Variants in EXOC6B observed in about 807,000 individuals in gnomAD.
EXOC6B encodes the protein exocyst complex component 6B.
EXOC6B carries 54 observed loss-of-function variants against 113.5 expected under a neutral mutation model. The ratio of observed to expected loss-of-function variants is 0.48; its 90% confidence interval spans 0.38 to 0.60. The LOEUF (loss-of-function observed/expected upper bound fraction) is 0.60. Among genes scored for constraint, EXOC6B ranks in the 20% least tolerant of loss-of-function variants. EXOC6B has a pLI of 0.00. For synonymous variants in EXOC6B, 357 were observed against 339.0 expected (o/e 1.05, Z -0.58); for missense variants, 797 against 977.5 (o/e 0.82, Z 2.46).
chr2:72,780,107 T>C (rs4519555), intron 1 of EXOC6B, among the ~76,000 whole-genome samples: 151,232 of 152,330 alleles, frequency 0.99, 75,075 homozygotes, highest in East Asian at 1. Flanking sequence ...GTCCCAACCA[T>C]TACATGTATT....
At chr2:72,551,666 G>A (rs1239688749) in intron 8 of EXOC6B, among the ~76,000 whole-genome samples, 1 of 150,584 alleles carries the variant, frequency 6.6e-6, no homozygotes, top group Non-Finnish European at 1.5e-5. Flanking sequence ...CACCACGCCC[G>A]GCTAATTTTT....
At chr2:72,608,802 TAAA>T (rs986176580) in intron 6 of EXOC6B, among the ~76,000 whole-genome samples, 1 of 151,302 alleles carries the variant, frequency 6.6e-6, no homozygotes, top group Non-Finnish European at 1.5e-5. Context: ...TGGGGAAAAA[TAAA>T]GAACAAAGTA....
chr2:72,692,354 C>CT lies in EXOC6B; in HGVS notation c.669+25748dup, dbSNP rs764598639. 4.7e-3 allele frequency among the ~76,000 whole-genome samples: 662 copies of CT among 141,196 alleles called. 1 individual carries two copies. The highest frequency in any genetic ancestry group is 9.9e-3 in the African/African-American group (383 of 38,866). The allele number at this position is 141,196 out of a possible 152,430, so 92.6% of individuals were successfully genotyped here. A position where few individuals can be genotyped will look rare whatever the true frequency, so the allele number is the denominator to read the frequency against. On this transcript the variant is annotated intron_variant, in intron 6 of 21. Transcript: ENST00000272427. ...TTTCCTCTTCCTTTTTCACCATATT[C>CT]TTTTTTTTTTTTTTTGAGACAGAGT...
At chr2:72,551,661 C>T (rs765189513) in intron 8 of EXOC6B, among the ~76,000 whole-genome samples, 1 of 151,762 alleles carries the variant, frequency 6.6e-6, no homozygotes, top group Non-Finnish European at 1.5e-5. Context: ...CCCGCCACCA[C>T]GCCCGGCTAA....
intron 20 of EXOC6B, among the ~76,000 whole-genome samples, chr2:72,317,466 T>A (rs1026406842): frequency 6.6e-6 from 1 of 151,894 alleles, no homozygotes; most frequent in Non-Finnish European, 1.5e-5. Flanking sequence ...AACCACCTTG[T>A]CCCATTTAAT....
At chr2:72,530,685 A>G (rs1318464918) in intron 8 of EXOC6B, among the ~76,000 whole-genome samples, 2 of 152,190 alleles carry the variant, frequency 1.3e-5, no homozygotes, top group Non-Finnish European at 2.9e-5. Context: ...GTCTTCAACT[A>G]TAACAGTGAT....
intron 1 of EXOC6B, among the ~76,000 whole-genome samples, chr2:72,766,280 T>C (rs962341137): frequency 6.6e-6 from 1 of 152,262 alleles, no homozygotes; most frequent in South Asian, 2.1e-4. Flanking sequence ...CCATCTGCCT[T>C]ACCAAAAGTG....
intron 18 of EXOC6B, among the ~76,000 whole-genome samples, chr2:72,430,042 A>T (rs759066874): frequency 6.6e-6 from 1 of 152,218 alleles, no homozygotes; most frequent in Non-Finnish European, 1.5e-5. Context: ...ATAGCTTTCC[A>T]AGAGAACTAT....
intron 21 of EXOC6B, among the ~76,000 whole-genome samples, chr2:72,182,400 C>A (rs981216939): frequency 6.6e-6 from 1 of 152,126 alleles, no homozygotes; most frequent in Non-Finnish European, 1.5e-5. Context: ...TAAATATGAC[C>A]ATTTAAGCAC....
intron 1 of EXOC6B, among the ~76,000 whole-genome samples, chr2:72,821,329 A>C (rs919482069): frequency 6.6e-6 from 1 of 152,178 alleles, no homozygotes; most frequent in Non-Finnish European, 1.5e-5. Context: ...ACAAGTGTTG[A>C]CAAGGATGTG....
chr2:72,218,447 T>C (rs552091710), intron 20 of EXOC6B, among the ~76,000 whole-genome samples: 1 of 152,314 alleles, frequency 6.6e-6, no homozygotes, highest in South Asian at 2.1e-4. Context: ...CATGTGTGCA[T>C]ATGTATATGT....
chr2:72,202,991 T>C (rs1026057565), intron 20 of EXOC6B, among the ~76,000 whole-genome samples: 2 of 152,224 alleles, frequency 1.3e-5, no homozygotes, highest in Non-Finnish European at 2.9e-5. Flanking sequence ...GTTCATCGTT[T>C]CTTACTTTTG....
chr2:72,341,220 G>C (rs1343462316), intron 19 of EXOC6B, among the ~76,000 whole-genome samples: 1 of 152,084 alleles, frequency 6.6e-6, no homozygotes, highest in East Asian at 1.9e-4. Context: ...GGGGCTGTAG[G>C]ACATTGTGCC....
At chr2:72,655,303 CA>C (rs1674496931) in intron 6 of EXOC6B, among the ~76,000 whole-genome samples, 1 of 151,968 alleles carries the variant, frequency 6.6e-6, no homozygotes, top group Non-Finnish European at 1.5e-5. Context: ...CTAACTTATT[CA>C]AAACTGTCAA....
intron 8 of EXOC6B, among the ~76,000 whole-genome samples, chr2:72,539,195 A>T (rs1702459766): frequency 6.6e-6 from 1 of 152,132 alleles, no homozygotes; most frequent in African/African-American, 2.4e-5. Flanking sequence ...TAGAGCAAAG[A>T]AAAGGAAAAA....
intron 19 of EXOC6B, among the ~76,000 whole-genome samples, chr2:72,378,454 T>G (rs981344485): frequency 4.6e-5 from 7 of 152,332 alleles, no homozygotes; most frequent in South Asian, 4.1e-4. Context: ...CAAGATTACC[T>G]TATGTGTTTC....
intron 6 of EXOC6B, among the ~76,000 whole-genome samples, chr2:72,694,362 A>G (rs1677715976): frequency 6.6e-6 from 1 of 152,090 alleles, no homozygotes; most frequent in African/African-American, 2.4e-5. Flanking sequence ...GAATCGCTTG[A>G]CCCTGGGAGG....
rs111652300 is a variant in EXOC6B, at chr2:72,340,873, C to A, written c.2123-5853G>T. On this transcript the variant is annotated intron_variant, in intron 19 of 21. Coordinates refer to ENST00000272427, the MANE Select transcript of EXOC6B (RefSeq NM_015189.3). ...CTTCTTGCATCACATCACAGTGGTT[C>A]CACTAAGCTAATTACAAACAGGAGT... Among the ~76,000 whole-genome samples the A allele has an allele frequency of 4.1e-3, 619 of 152,200 alleles. 4 individuals are homozygous for A. The highest frequency in any genetic ancestry group is 0.014 in the African/African-American group (590 of 41,528).
intron 6 of EXOC6B, among the ~76,000 whole-genome samples, chr2:72,618,552 T>C (rs1040908925): frequency 5.3e-5 from 8 of 152,204 alleles, no homozygotes; most frequent in African/African-American, 1.9e-4. Flanking sequence ...TCTTCATTAA[T>C]GAACATTCTC....
Sources: allele counts gnomAD v4.1 joint callset (sites outside exome capture counted in the v4.1 genomes callset), GRCh38; gene constraint gnomAD v4.1.1; transcripts MANE v1.5; gene names NCBI Gene and HGNC (gene_info 2026-07-23, HGNC 2026-07-21).